The following DNAH8 variants were observed in gnomAD, a reference collection of about 807,000 sequenced individuals.
The protein encoded by DNAH8 is axonemal beta dynein heavy chain 8.
DNAH8 carries 382 observed loss-of-function variants against 562.1 expected under a neutral mutation model. The observed-to-expected ratio is 0.68, with a 90% confidence interval of 0.63 to 0.74. DNAH8 has a LOEUF of 0.74. Among genes scored for constraint, DNAH8 ranks in the 30% least tolerant of loss-of-function variants. The pLI, the probability that DNAH8 is intolerant of heterozygous loss-of-function variation, is 0.00. For synonymous variants in DNAH8, 1,881 were observed against 1,919.4 expected (o/e 0.98, Z 0.52); for missense variants, 5,203 against 5,620.4 (o/e 0.93, Z 2.37).
chr6:38,747,384 C>CTTTTTTTTTTTTTTTTTTTTT (rs55729629), intron 8 of DNAH8, among the ~76,000 whole-genome samples: 2 of 113,774 alleles, frequency 1.8e-5, no homozygotes, highest in African/African-American at 7.2e-5. Context: ...TTTTCTTTTT[C>CTTTTTTTTTTTTTTTTTTTTT]TTTTTTTTTT....
rs1384321979 is a variant in DNAH8 at position 38,884,082 on chromosome 6, T to G, written c.8259+84T>G. The G allele has an allele frequency of 1.1e-5, 11 of 964,458 alleles. No individual in the cohort carries two copies. In the Admixed American group the frequency reaches 4.6e-4, roughly 40 times the overall value. 59.7% of individuals were successfully genotyped at this position (964,458 alleles called of 1,614,324 possible). ...TATATATATGTAAATGTTAATAACT[T>G]TGTTAAAAACTTTATGTTTTTAAGT... On this transcript the variant is annotated intron_variant, in intron 56 of 92. Coordinates refer to ENST00000327475, the MANE Select transcript of DNAH8 (RefSeq NM_001206927.2).
At chr6:38,917,200 C>T (rs1458585780) in intron 68 of DNAH8, 39 bp from the exon 69 acceptor site, 1 of 1,475,502 alleles carries the variant, frequency 6.8e-7, no homozygotes, top group Non-Finnish European at 9.2e-7. Flanking sequence ...ATTAATACCA[C>T]TCAACAAACA....
In DNAH8 at chr6:39,029,974, G is replaced by A. The variant is rs141609230; in HGVS notation, c.13837-131G>A. 52 of 701,126 alleles carry A rather than the reference G, an allele frequency of 7.4e-5. No individual in the cohort carries two copies. The African/African-American group carries it at 8.6e-4, about 12-fold the overall frequency. 43.4% of individuals were successfully genotyped at this position (701,126 alleles called of 1,614,324 possible). A position where few individuals can be genotyped will look rare whatever the true frequency, so the allele number is the denominator to read the frequency against. Reference sequence around the variant, plus strand: ...ATTTCACGAATGCAATGTACCCGGTGGTGCTTTCTCCCTTTGGTAGTGTTT... The same window carrying A: ...ATTTCACGAATGCAATGTACCCGGTAGTGCTTTCTCCCTTTGGTAGTGTTT... On this transcript the variant is annotated intron_variant, in intron 92 of 92. Coordinates refer to ENST00000327475, the MANE Select transcript of DNAH8 (RefSeq NM_001206927.2).
chr6:38,761,943 A>T, intron 11 of DNAH8, 140 bp downstream of exon 11: 1 of 480,812 alleles, frequency 2.1e-6, no homozygotes, highest in Non-Finnish European at 3.7e-6. Context: ...TACAATTCTT[A>T]TTATCTATTT....
intron 81 of DNAH8, among the ~76,000 whole-genome samples, chr6:38,950,668 T>C (rs1226158144): frequency 6.6e-6 from 1 of 152,136 alleles, no homozygotes; most frequent in Non-Finnish European, 1.5e-5. Context: ...CTCGATCTCC[T>C]AACCTCGTGA....
intron 85 of DNAH8, among the ~76,000 whole-genome samples, chr6:38,976,287 T>G (rs1403437574): frequency 6.6e-6 from 1 of 152,196 alleles, no homozygotes; most frequent in Non-Finnish European, 1.5e-5. Context: ...AAGTAGGTGA[T>G]CTTTCAAGGT....
rs993262213 is a variant in DNAH8, at chr6:38,763,239, G to A, written c.1617+1436G>A. The A allele has an allele frequency of 2.7e-5, 7 of 259,202 alleles. No individual in the cohort carries two copies. In the Admixed American group the frequency reaches 3.0e-4, roughly 11 times the overall value. The allele number at this position is 259,202 out of a possible 1,614,324, so 16.1% of individuals were successfully genotyped here. A position where few individuals can be genotyped will look rare whatever the true frequency, so the allele number is the denominator to read the frequency against. On this transcript the variant is annotated intron_variant, in intron 11 of 92. Coordinates refer to ENST00000327475, the MANE Select transcript of DNAH8 (RefSeq NM_001206927.2). Reference sequence around the variant, plus strand: ...TGAAGCAAGGGATAGTTTCTTTGAAGTGTTTTTCCCACTATTCGAAAATAA... The same window carrying A: ...TGAAGCAAGGGATAGTTTCTTTGAAATGTTTTTCCCACTATTCGAAAATAA...
At chr6:39,006,149 C>T (rs539520735) in intron 88 of DNAH8, among the ~76,000 whole-genome samples, 4 of 152,230 alleles carry the variant, frequency 2.6e-5, no homozygotes, top group Non-Finnish European at 5.9e-5. Context: ...GGAACCCAGC[C>T]TTGCTGATGT....
chr6:38,899,122 A>G (rs1175004756), intron 61 of DNAH8, among the ~76,000 whole-genome samples: 1 of 152,180 alleles, frequency 6.6e-6, no homozygotes, highest in Non-Finnish European at 1.5e-5. Context: ...ATTGGTGACA[A>G]TAATATAAAA....
At chr6:38,904,388 T>A (rs1026201039) in intron 62 of DNAH8, among the ~76,000 whole-genome samples, 1 of 151,622 alleles carries the variant, frequency 6.6e-6, no homozygotes, top group Non-Finnish European at 1.5e-5. Flanking sequence ...AATTCTGGGG[T>A]CTCCCAACAT....
chr6:38,874,730 A>G (rs1777856387), intron 52 of DNAH8, among the ~76,000 whole-genome samples: 1 of 152,122 alleles, frequency 6.6e-6, no homozygotes, highest in African/African-American at 2.4e-5. Flanking sequence ...AGAATTAATC[A>G]TAGATCTTCA....
At position 38,957,403 on chromosome 6, in the gene DNAH8, T is replaced by G. The variant is rs1463851218; in HGVS notation, c.12451+5883T>G. Reference sequence around the variant, plus strand: ...AGTAGGGGGCTTCAACATCCCATTTTCAGCAATGGACAAATCACCCAGATA... The same window carrying G: ...AGTAGGGGGCTTCAACATCCCATTTGCAGCAATGGACAAATCACCCAGATA... On this transcript the variant is annotated intron_variant, in intron 82 of 92. Transcript: ENST00000327475. Among the ~76,000 whole-genome samples, 3 of 151,650 alleles carry G rather than the reference T, an allele frequency of 2.0e-5. No individual in the cohort carries two copies. In the East Asian group the frequency reaches 5.8e-4, roughly 29 times the overall value.
At chr6:38,772,456 A>G (rs1432413111) in intron 12 of DNAH8, among the ~76,000 whole-genome samples, 1 of 152,158 alleles carries the variant, frequency 6.6e-6, no homozygotes, top group East Asian at 1.9e-4. Flanking sequence ...AGGGCTAATG[A>G]TGTGGAGCAT....
In DNAH8 at chr6:38,848,693, A is replaced by C; in HGVS notation, c.5091A>C (p.Lys1697Asn). The change falls in exon 37 of 93, where the codon AAA becomes AAC. Residue 1697 changes from lysine (K) to asparagine (N), a missense_variant. Transcript: ENST00000327475. ...FKKNIQNWVY[K>N]LSTSSDIIEE... ...AAAATATCCAGAATTGGGTGTATAA[A>C]TTGTCCACTTCCTCAGATATAATTG... is the stretch of plus-strand genomic sequence containing the variant. The C allele has an allele frequency of 6.2e-7, 1 of 1,612,228 alleles. No individual in the cohort carries two copies. Among genetic ancestry groups the C allele is most frequent in the Non-Finnish European group, 8.5e-7 (1 of 1,178,532 alleles).
At chr6:38,916,338 A>G (rs2150544116) in intron 68 of DNAH8, among the ~76,000 whole-genome samples, 1 of 152,210 alleles carries the variant, frequency 6.6e-6, no homozygotes, top group African/African-American at 2.4e-5. Flanking sequence ...CATTCTTTAA[A>G]TCTGGGCCCA....
chr6:38,995,290 C>G (rs1186424011), intron 88 of DNAH8, among the ~76,000 whole-genome samples: 1 of 152,074 alleles, frequency 6.6e-6, no homozygotes, highest in Non-Finnish European at 1.5e-5. Flanking sequence ...GTATTATTCT[C>G]CTAAGGTAGT....
chr6:38,874,308 C>CCCCTT lies in DNAH8; in HGVS notation c.7620+947_7620+951dup, dbSNP rs1323317279. 2.0e-4 allele frequency among the ~76,000 whole-genome samples: 13 copies of CCCCTT among 63,700 alleles called. No individual in the cohort carries two copies. The East Asian group carries it at 6.6e-3, about 32-fold the overall frequency. 41.8% of individuals were successfully genotyped at this position (63,700 alleles called of 152,430 possible). ...CCCCTCCCCTCCCCTCCCCTCCCCT[C>CCCCTT]CCCTTCCCTTCCCTTCCCTCCCTCT... On this transcript the variant is annotated intron_variant, in intron 52 of 92. Coordinates refer to ENST00000327475, the MANE Select transcript of DNAH8 (RefSeq NM_001206927.2).
intron 53 of DNAH8, among the ~76,000 whole-genome samples, chr6:38,882,241 A>G (rs1232851681): frequency 1.3e-5 from 2 of 152,200 alleles, no homozygotes; most frequent in African/African-American, 4.8e-5. Flanking sequence ...ATATCATTCT[A>G]CCATAAAGAC....
chr6:38,929,769 T>A, intron 75 of DNAH8, 103 bp downstream of exon 75: 1 of 1,101,702 alleles, frequency 9.1e-7, no homozygotes, highest in Non-Finnish European at 1.2e-6. Context: ...AATGGTGACA[T>A]CTACTTATCT....
Sources: gnomAD v4.1 joint callset for allele counts (sites outside exome capture counted in the v4.1 genomes callset) on GRCh38, gnomAD v4.1.1 for gene constraint, MANE v1.5 for transcripts, NCBI Gene and HGNC (gene_info 2026-07-23, HGNC 2026-07-21) for gene names.